Variants in LOC400499 observed in about 807,000 individuals in gnomAD.
the LOC400499 span, chr16:11,447,027 T>G: frequency 8.1e-7 from 1 of 1,230,288 alleles, no homozygotes; most frequent in Non-Finnish European, 1.1e-6. Flanking sequence ...GTTAAGACTC[T>G]GCCACAGAGA....
the LOC400499 span, chr16:11,465,603 C>CA: frequency 0.47 from 70,652 of 150,436 alleles, 17,120 homozygotes; most frequent in African/African-American, 0.52. Flanking sequence ...CTCGTCTTCA[C>CA]AAAAAAAAGA....
chr16:11,462,222 C>T, the LOC400499 span: 1 of 1,534,090 alleles, frequency 6.5e-7, no homozygotes, highest in Non-Finnish European at 8.7e-7. Context: ...ACGGGGCTGC[C>T]CCCCGTCACC....
chr16:11,504,341 A>C, the LOC400499 span, among the ~76,000 whole-genome samples: 1 of 151,790 alleles, frequency 6.6e-6, no homozygotes, highest in Non-Finnish European at 1.5e-5. Context: ...GGATCACTGG[A>C]AGTCAGGAGT....
At chr16:11,384,863 C>T in the LOC400499 span, 1 of 1,232,240 alleles carries the variant, frequency 8.1e-7, no homozygotes, top group African/African-American at 1.5e-5. Context: ...TAGGTGGGGC[C>T]AACCCTCCTG....
the LOC400499 span, among the ~76,000 whole-genome samples, chr16:11,509,117 T>C: frequency 1.9e-5 from 2 of 106,820 alleles, no homozygotes; most frequent in East Asian, 2.2e-4. Context: ...TATCCTTTTT[T>C]TTCTTTTTTT....
the LOC400499 span, chr16:11,399,552 T>C: frequency 1.3e-5 from 5 of 398,582 alleles, no homozygotes; most frequent in Non-Finnish European, 2.2e-5. Context: ...GGGGTCTGCG[T>C]GAAGGCCCCG....
At chr16:11,460,666 G>C in the LOC400499 span, 1 of 1,475,228 alleles carries the variant, frequency 6.8e-7, no homozygotes, top group Non-Finnish European at 9.0e-7. Context: ...CCCTCCACCA[G>C]GGCTCCAAGA....
At chr16:11,484,423 G>A in the LOC400499 span, among the ~76,000 whole-genome samples, 2 of 152,156 alleles carry the variant, frequency 1.3e-5, no homozygotes, top group Non-Finnish European at 2.9e-5. Flanking sequence ...GTATCAAACT[G>A]TACACCTTAA....
the LOC400499 span, among the ~76,000 whole-genome samples, chr16:11,448,365 G>A: frequency 2.6e-5 from 4 of 152,192 alleles, no homozygotes; most frequent in South Asian, 2.1e-4. Flanking sequence ...AAGTGACCAG[G>A]GTCCATTTCA....
the LOC400499 span, among the ~76,000 whole-genome samples, chr16:11,483,369 C>T: frequency 6.6e-6 from 1 of 152,170 alleles, no homozygotes; most frequent in Non-Finnish European, 1.5e-5. Flanking sequence ...TAGCAGCTTT[C>T]TTTTTAATAG....
At chr16:11,471,007 G>A in the LOC400499 span, among the ~76,000 whole-genome samples, 1 of 152,346 alleles carries the variant, frequency 6.6e-6, no homozygotes, top group African/African-American at 2.4e-5. Context: ...AGTCAGGGAA[G>A]GAGGCCAGCA....
At chr16:11,413,122 A>G in the LOC400499 span, among the ~76,000 whole-genome samples, 1 of 152,154 alleles carries the variant, frequency 6.6e-6, no homozygotes, top group Non-Finnish European at 1.5e-5. Context: ...ACAGGGCCGG[A>G]GTCAGCCCCT....
the LOC400499 span, chr16:11,457,004 G>T: frequency 1.3e-6 from 2 of 1,534,598 alleles, no homozygotes; most frequent in Admixed American, 3.9e-5. Flanking sequence ...GCTGCACGCG[G>T]CAATCCACCT....
At chr16:11,384,050 T>C in the LOC400499 span, 1 of 1,231,742 alleles carries the variant, frequency 8.1e-7, no homozygotes, top group Non-Finnish European at 1.0e-6. Context: ...TGCTGGACCA[T>C]GTGGCTCCCC....
chr16:11,471,047 A>G, the LOC400499 span, among the ~76,000 whole-genome samples: 4 of 152,214 alleles, frequency 2.6e-5, no homozygotes, highest in Non-Finnish European at 5.9e-5. Context: ...CCTGTGGGTC[A>G]CGGCGTCTGG....
At chr16:11,384,429 C>T in the LOC400499 span, 1 of 544,522 alleles carries the variant, frequency 1.8e-6, no homozygotes, top group East Asian at 3.5e-5. Context: ...GCCTGAAGCA[C>T]ACAGAGGAGC....
At chr16:11,470,851 A>C in the LOC400499 span, 1 of 152,742 alleles carries the variant, frequency 6.5e-6, no homozygotes, top group Admixed American at 6.5e-5. Context: ...GGACACTTGA[A>C]AGGAGCTAGG....
the LOC400499 span, among the ~76,000 whole-genome samples, chr16:11,400,438 CT>C: frequency 1.8e-4 from 25 of 137,544 alleles, no homozygotes; most frequent in East Asian, 4.5e-4. Flanking sequence ...AGTCTCACAT[CT>C]TTTTTTTTTC....
At chr16:11,513,580 A>G in the LOC400499 span, among the ~76,000 whole-genome samples, 1 of 151,732 alleles carries the variant, frequency 6.6e-6, no homozygotes, top group Non-Finnish European at 1.5e-5. Flanking sequence ...ACAGGCGCCC[A>G]CCACTACTTC....
Sources: allele counts gnomAD v4.1 joint callset (sites outside exome capture counted in the v4.1 genomes callset), GRCh38; gene constraint gnomAD v4.1.1; transcripts MANE v1.5.